CSMD1: variants seen among roughly 807,000 people sequenced by gnomAD.
CSMD1 encodes CUB and Sushi multiple domains 1.
A neutral mutation model predicts 417.5 loss-of-function variants in CSMD1; 213 were observed. The ratio of observed to expected loss-of-function variants is 0.51; its 90% CI spans 0.46 to 0.57. CSMD1 has a LOEUF of 0.57. CSMD1 is among the 20% of genes least tolerant of loss of function. The pLI, the probability that CSMD1 is intolerant of heterozygous loss-of-function variation, is 0.00. For missense variants in CSMD1, 6,923 were observed against 4,529.7 expected (o/e 1.53, Z -15.17); for synonymous variants, 2,862 against 1,736.8 (o/e 1.65, Z -16.11).
At chr8:3,983,698 G>A (rs1814084726) in intron 5 of CSMD1, among the ~76,000 whole-genome samples, 1 of 152,212 alleles carries the variant, frequency 6.6e-6, no homozygotes, top group African/African-American at 2.4e-5. Flanking sequence ...CTAATCCCAT[G>A]GATTGGGGGC....
In CSMD1 at chr8:4,251,887, AGGGAG is replaced by A. The variant is rs553704020; in HGVS notation, c.415+168061_415+168065del. Among the ~76,000 whole-genome samples the A allele has an allele frequency of 3.4e-3, 387 of 112,654 alleles. 1 individual carries two copies. The highest frequency in any genetic ancestry group is 3.8e-3 in the Non-Finnish European group (209 of 54,778). 73.9% of individuals were successfully genotyped at this position (112,654 alleles called of 152,430 possible). On this transcript the variant is annotated intron_variant, in intron 3 of 69. Coordinates refer to ENST00000635120, the MANE Select transcript of CSMD1 (RefSeq NM_033225.6). ...AGAGAGAGGGTGGAGGAAGAGGGGAAGGGAGGGGAGGGGAGGGGAGGATAATGTGG... is the reference window on the plus strand; with the variant it reads ...AGAGAGAGGGTGGAGGAAGAGGGGAAGGGAGGGGAGGGGAGGATAATGTGG...
chr8:4,589,696 G>C (rs747238384), intron 2 of CSMD1, among the ~76,000 whole-genome samples: 1 of 152,072 alleles, frequency 6.6e-6, no homozygotes, highest in Non-Finnish European at 1.5e-5. Flanking sequence ...ATTGTTGAAT[G>C]GTACAATTAG....
chr8:3,425,150 TCTTA>T (rs1813751423), intron 12 of CSMD1, among the ~76,000 whole-genome samples: 1 of 152,188 alleles, frequency 6.6e-6, no homozygotes, highest in Non-Finnish European at 1.5e-5. Context: ...GTTGTGAATC[TCTTA>T]CTGTGTCTAG....
At chr8:3,944,866 G>C (rs967436691) in intron 5 of CSMD1, among the ~76,000 whole-genome samples, 1 of 152,144 alleles carries the variant, frequency 6.6e-6, no homozygotes, top group Non-Finnish European at 1.5e-5. Context: ...AGCTCTGACA[G>C]TTGATTCTGG....
chr8:4,772,872 T>C (rs1796667978), intron 1 of CSMD1, among the ~76,000 whole-genome samples: 1 of 152,174 alleles, frequency 6.6e-6, no homozygotes, highest in South Asian at 2.1e-4. Flanking sequence ...GAAATGTGGA[T>C]TTAATCCTGT....
chr8:3,247,265 G>T (rs1200819265), intron 26 of CSMD1, among the ~76,000 whole-genome samples: 1 of 152,168 alleles, frequency 6.6e-6, no homozygotes, highest in African/African-American at 2.4e-5. Context: ...GGTAGCTGTG[G>T]TTTGTAGTCC....
At chr8:4,458,940 G>C (rs772668605) in intron 2 of CSMD1, among the ~76,000 whole-genome samples, 2 of 152,338 alleles carry the variant, frequency 1.3e-5, no homozygotes, top group African/African-American at 2.4e-5. Flanking sequence ...AGTGCATTAA[G>C]CTTGTAAACC....
At chr8:3,834,981 T>C (rs908322213) in intron 5 of CSMD1, among the ~76,000 whole-genome samples, 63 of 152,108 alleles carry the variant, frequency 4.1e-4, no homozygotes, top group African/African-American at 1.5e-3. Context: ...TCATCATCAC[T>C]GGCCATCAGA....
chr8:3,023,264 C>T (rs75489134), intron 51 of CSMD1, among the ~76,000 whole-genome samples: 2,345 of 152,286 alleles, frequency 0.015, 20 homozygotes, highest in East Asian at 0.038. Context: ...CTTTGAATAT[C>T]TACAATATTA....
intron 3 of CSMD1, among the ~76,000 whole-genome samples, chr8:4,197,067 T>C (rs7840543): frequency 8.5e-4 from 130 of 152,342 alleles, no homozygotes; most frequent in African/African-American, 2.8e-3. Flanking sequence ...TGAGAGCTTG[T>C]GTTCTATGGG....
intron 34 of CSMD1, among the ~76,000 whole-genome samples, chr8:3,189,498 ATAAC>A (rs1796287097): frequency 6.6e-6 from 1 of 152,160 alleles, no homozygotes. Flanking sequence ...CAGGTAAACT[ATAAC>A]TAACAAGGTC....
intron 1 of CSMD1, among the ~76,000 whole-genome samples, chr8:4,771,889 G>A (rs969529259): frequency 2.6e-5 from 4 of 152,150 alleles, no homozygotes; most frequent in Non-Finnish European, 5.9e-5. Flanking sequence ...TGGGCATGAA[G>A]GGAGCCTCCA....
chr8:3,639,241 CA>C (rs1252898045), intron 7 of CSMD1, among the ~76,000 whole-genome samples: 1 of 152,136 alleles, frequency 6.6e-6, no homozygotes, highest in Non-Finnish European at 1.5e-5. Flanking sequence ...AGTCCATTGA[CA>C]ATGAAATTTC....
intron 3 of CSMD1, among the ~76,000 whole-genome samples, chr8:4,139,666 CA>C (rs1374533791): frequency 1.3e-5 from 2 of 151,076 alleles, no homozygotes; most frequent in Non-Finnish European, 2.9e-5. Context: ...AAAGGGATGC[CA>C]AACAGTGCCA....
In CSMD1 at chr8:2,983,605, C is replaced by G. The variant is rs528657610; in HGVS notation, c.8378-4805G>C. 2.0e-5 allele frequency among the ~76,000 whole-genome samples: 3 copies of G among 152,328 alleles called. No individual in the cohort carries two copies. The East Asian group carries it at 5.8e-4, about 29-fold the overall frequency. Reference sequence around the variant, plus strand: ...TGATTAGAGCAGAACCGTGGACTTTCACTTGTATATCCAAAATTTGGCAAA... The same window carrying G: ...TGATTAGAGCAGAACCGTGGACTTTGACTTGTATATCCAAAATTTGGCAAA... On this transcript the variant is annotated intron_variant, in intron 54 of 69. Transcript: ENST00000635120.
intron 5 of CSMD1, among the ~76,000 whole-genome samples, chr8:3,771,641 G>A (rs1166102901): frequency 1.3e-5 from 2 of 152,110 alleles, no homozygotes; most frequent in Non-Finnish European, 2.9e-5. Context: ...AGCCAGTGCT[G>A]AATCACCCCC....
rs1815656451 is a variant in CSMD1 at position 4,001,335 on chromosome 8, C to T, written c.611-3225G>A. ...CCAGCCATAGCTCCAGGACAGAGTC[C>T]AGGGCCCCCACCCTGCAGCCATTAG... On this transcript the variant is annotated intron_variant, in intron 4 of 69. Coordinates refer to ENST00000635120, the MANE Select transcript of CSMD1 (RefSeq NM_033225.6). Among the ~76,000 whole-genome samples the T allele has an allele frequency of 1.3e-5, 2 of 152,170 alleles. 1 individual carries two copies. The highest frequency in any genetic ancestry group is 4.1e-4 in the South Asian group (2 of 4,826).
chr8:4,902,604 G>A (rs1804959601), intron 1 of CSMD1, among the ~76,000 whole-genome samples: 2 of 152,094 alleles, frequency 1.3e-5, no homozygotes, highest in African/African-American at 2.4e-5. Context: ...AACATCCTTT[G>A]ACCATTGTAA....
intron 1 of CSMD1, among the ~76,000 whole-genome samples, chr8:4,801,489 G>A (rs962970116): frequency 2.0e-5 from 3 of 151,952 alleles, no homozygotes; most frequent in African/African-American, 7.3e-5. Flanking sequence ...TCAAATTGAG[G>A]GGCGCAAGTA....
Sources: allele counts gnomAD v4.1 joint callset (sites outside exome capture counted in the v4.1 genomes callset), GRCh38; gene constraint gnomAD v4.1.1; transcripts MANE v1.5; gene names NCBI Gene and HGNC (gene_info 2026-07-23, HGNC 2026-07-21).